Variants in VGLL4 observed in about 807,000 individuals in gnomAD.
The protein encoded by VGLL4 is transcription cofactor vestigial-like protein 4.
Under a neutral mutation model 21.0 loss-of-function variants are expected in VGLL4, and 7 were observed. That is an observed-to-expected ratio of 0.33 (90% confidence interval 0.19 to 0.63). VGLL4 has a LOEUF of 0.63. Ranked by LOEUF, VGLL4 falls within the 20% of genes least tolerant of loss-of-function variation. The pLI, the probability that VGLL4 is intolerant of heterozygous loss-of-function variation, is 0.78. For synonymous variants in VGLL4, 222 were observed against 173.2 expected, an observed-to-expected ratio of 1.28 and a Z score of -2.21; for missense variants, 394 against 425.7, an observed-to-expected ratio of 0.93 and a Z score of 0.66.
chr3:11,664,545 A>G (rs968102402), intron 2 of VGLL4, among the ~76,000 whole-genome samples: 3 of 152,228 alleles, frequency 2.0e-5, no homozygotes, highest in Non-Finnish European at 4.4e-5. Context: ...AGTTTACTTC[A>G]GCCTTGGAGC....
chr3:11,574,667 G>T (rs910190630), intron 2 of VGLL4, among the ~76,000 whole-genome samples: 1 of 152,114 alleles, frequency 6.6e-6, no homozygotes, highest in African/African-American at 2.4e-5. Context: ...CCAGCACAAA[G>T]AAACGATTAA....
chr3:11,604,667 G>T (rs1260556032), intron 1 of VGLL4: 3 of 544,336 alleles, frequency 5.5e-6, no homozygotes, highest in Admixed American at 7.0e-5. Flanking sequence ...TTAGGATGGG[G>T]TGAATTTGGG....
At chr3:11,649,076 T>C (rs1375811600) in intron 2 of VGLL4, among the ~76,000 whole-genome samples, 1 of 152,348 alleles carries the variant, frequency 6.6e-6, no homozygotes, top group East Asian at 1.9e-4. Context: ...ATGCTTATCA[T>C]ACAGCTATGT....
intron 2 of VGLL4, among the ~76,000 whole-genome samples, chr3:11,588,694 C>T (rs1369304690): frequency 1.3e-5 from 2 of 152,228 alleles, no homozygotes; most frequent in African/African-American, 2.4e-5. Flanking sequence ...GAGGAGGCAA[C>T]GTCCCAGACA....
At chr3:11,627,557 T>C (rs1001168567) in intron 1 of VGLL4, among the ~76,000 whole-genome samples, 2 of 144,782 alleles carry the variant, frequency 1.4e-5, no homozygotes, top group Admixed American at 7.1e-5. Context: ...ATCGTGCCAT[T>C]GCACTCCAGC....
chr3:11,630,567 A>G (rs1238201653), intron 1 of VGLL4, among the ~76,000 whole-genome samples: 4 of 152,056 alleles, frequency 2.6e-5, no homozygotes, highest in Non-Finnish European at 4.4e-5. Flanking sequence ...AATCACTTGA[A>G]CCCAGGAGGC....
upstream of VGLL4, among the ~76,000 whole-genome samples, chr3:11,647,826 C>T (rs1484940757): frequency 2.0e-5 from 3 of 152,126 alleles, no homozygotes; most frequent in Non-Finnish European, 2.9e-5. Context: ...AACATCTAAA[C>T]GGCAGATTCT....
At chr3:11,629,038 T>C (rs773487195) in intron 1 of VGLL4, among the ~76,000 whole-genome samples, 27 of 152,178 alleles carry the variant, frequency 1.8e-4, no homozygotes, top group Non-Finnish European at 2.8e-4. Context: ...AATGATGCCA[T>C]AGCTATAGGA....
intron 2 of VGLL4, among the ~76,000 whole-genome samples, chr3:11,649,989 G>C (rs1263060918): frequency 1.3e-5 from 2 of 152,114 alleles, no homozygotes; most frequent in Admixed American, 6.5e-5. Flanking sequence ...GCCCAGGCTA[G>C]AGTGCAGTGG....
chr3:11,602,078 CCCCCAGGCT>C (rs2074817178), intron 1 of VGLL4, 56 bp from the exon 2 acceptor site: 3 of 1,416,066 alleles, frequency 2.1e-6, no homozygotes, highest in Non-Finnish European at 2.8e-6. Flanking sequence ...CCATCTCAGT[CCCCCAGGCT>C]CCCCGCCCGC....
At chr3:11,617,075 C>A (rs1202509665) in intron 1 of VGLL4, among the ~76,000 whole-genome samples, 1 of 151,946 alleles carries the variant, frequency 6.6e-6, no homozygotes, top group Admixed American at 6.5e-5. Flanking sequence ...AAAAGAGATG[C>A]ACTTTTTATT....
chr3:11,608,676 T>C (rs2074998274), intron 1 of VGLL4, among the ~76,000 whole-genome samples: 3 of 152,262 alleles, frequency 2.0e-5, no homozygotes. Context: ...ACTGTAATCC[T>C]GTCATTACCA....
intron 2 of VGLL4, among the ~76,000 whole-genome samples, chr3:11,660,265 A>G (rs752000315): frequency 6.6e-6 from 1 of 152,118 alleles, no homozygotes; most frequent in Non-Finnish European, 1.5e-5. Context: ...TAGGCGTGTT[A>G]CAGAATCTCT....
chr3:11,703,062 T>C, intron 1 of VGLL4: 1 of 1,520,026 alleles, frequency 6.6e-7, no homozygotes, highest in Admixed American at 2.0e-5. Flanking sequence ...GAGGAAAAAA[T>C]AAAAGGGGAA....
At chr3:11,690,230 C>T (rs2076507872) in intron 2 of VGLL4, among the ~76,000 whole-genome samples, 1 of 152,002 alleles carries the variant, frequency 6.6e-6, no homozygotes, top group African/African-American at 2.4e-5. Context: ...CAATATAATC[C>T]CATCTGTTTT....
At chr3:11,645,935 G>A (rs948347567), upstream of VGLL4, among the ~76,000 whole-genome samples, 4 of 152,148 alleles carry the variant, frequency 2.6e-5, no homozygotes, top group Non-Finnish European at 5.9e-5. Context: ...TTGTGCCACT[G>A]CACTCCAGCC....
At chr3:11,699,242 C>T (rs1341244726) in intron 2 of VGLL4, among the ~76,000 whole-genome samples, 1 of 152,220 alleles carries the variant, frequency 6.6e-6, no homozygotes, top group Non-Finnish European at 1.5e-5. Flanking sequence ...AATTGTATGA[C>T]TTTTCACACA....
intron 1 of VGLL4, among the ~76,000 whole-genome samples, chr3:11,630,401 T>C (rs1198809831): frequency 1.3e-5 from 2 of 152,130 alleles, no homozygotes; most frequent in African/African-American, 2.4e-5. Flanking sequence ...CCCCAGCACT[T>C]TGGGAGGCCG....
chr3:11,562,433 C>A lies in VGLL4; in HGVS notation c.495+2364G>T, dbSNP rs183895837. The stretch of plus-strand genomic sequence containing the variant: ...CCACCGTGCCCACCCCACAGGGCTG[C>A]AGCATGCGTCCTGCCTGCCTGTGGA... On this transcript the variant is annotated intron_variant, in intron 3 of 4. Coordinates refer to ENST00000430365, the MANE Select transcript of VGLL4 (RefSeq NM_001128219.3). Among the ~76,000 whole-genome samples the A allele has an allele frequency of 3.9e-5, 6 of 152,334 alleles. No homozygotes were observed. The East Asian group carries it at 1.2e-3, about 29-fold the overall frequency.
Sources: allele counts gnomAD v4.1 joint callset (sites outside exome capture counted in the v4.1 genomes callset), GRCh38; gene constraint gnomAD v4.1.1; transcripts MANE v1.5; gene names NCBI Gene and HGNC (gene_info 2026-07-23, HGNC 2026-07-21).